ACSF2: variants seen among roughly 807,000 people sequenced by gnomAD.
The protein encoded by ACSF2 is acyl-CoA synthetase family member 2.
A neutral mutation model predicts 79.3 loss-of-function variants in ACSF2; 52 were observed. The observed-to-expected ratio is 0.66, with a 90% CI of 0.53 to 0.83. ACSF2 has a LOEUF of 0.83. ACSF2 is among the 40% of genes least tolerant of loss of function. The pLI is 0.00. For synonymous variants in ACSF2, 283 were observed against 312.6 expected (o/e 0.91, Z 1.00); for missense variants, 661 against 803.3 (o/e 0.82, Z 2.14).
At chr17:50,449,010 C>CTTTT (rs1157696530) in intron 1 of ACSF2, among the ~76,000 whole-genome samples, 8 of 101,232 alleles carry the variant, frequency 7.9e-5, no homozygotes, top group Non-Finnish European at 1.4e-4. Context: ...AATATGTAGT[C>CTTTT]TTTTTTTTTT....
intron 10 of ACSF2, among the ~76,000 whole-genome samples, chr17:50,470,389 A>G (rs1180391300): frequency 6.7e-6 from 1 of 148,748 alleles, no homozygotes; most frequent in Non-Finnish European, 1.5e-5. Flanking sequence ...ACCACTGGAA[A>G]TGGGGGAGGT....
At chr17:50,434,050 C>G (rs2143501752) in intron 1 of ACSF2, among the ~76,000 whole-genome samples, 1 of 152,056 alleles carries the variant, frequency 6.6e-6, no homozygotes, top group East Asian at 1.9e-4. Context: ...CACAGTGGCT[C>G]ACACCTATAA....
Position 50,463,473 on chromosome 17 carries a change from C to G in ACSF2, c.967C>G (p.Leu323Val), listed in dbSNP as rs539511131. The change falls in exon 8 of 16, where the codon CTG (leucine) becomes GTG (valine). Residue 323 changes from leucine to valine, a missense_variant. Physicochemically the swap from Leu to Val is conservative, Grantham distance 32. Transcript: ENST00000300441. The surrounding 1 kb of genome is among the most constrained non-coding windows in gnomAD (Gnocchi z 4.6). ...LGSVAGTMMC[L>V]MYGATLILAS... Reference sequence around the variant, plus strand: ...TTCCGTGGCAGGCACAATGATGTGTCTGATGTACGGTGCCACCCTCATCCT... The same window carrying G: ...TTCCGTGGCAGGCACAATGATGTGTGTGATGTACGGTGCCACCCTCATCCT... 25 of 1,614,146 alleles carry G rather than the reference C, an allele frequency of 1.5e-5. No homozygotes were observed. The African/African-American group carries it at 2.1e-4, about 14-fold the overall frequency.
rs1377192015 is a variant in ACSF2 at position 50,461,688 on chromosome 17, T to C, written c.507+2T>C. 1.2e-6 allele frequency: 2 copies of C among 1,614,038 alleles called. No individual in the cohort carries two copies. Among genetic ancestry groups the C allele is most frequent in the Non-Finnish European group, 1.7e-6 (2 of 1,179,980 alleles). On this transcript the variant is annotated splice_donor_variant, in intron 4 of 15. Coordinates refer to ENST00000300441, the MANE Select transcript of ACSF2 (RefSeq NM_025149.6). LOFTEE classifies it high-confidence loss of function. ...GAACTGGAGTATGTCCTCAAGAAGG[T>C]ACAGCTCATTTGTCGGGGAGGGGCC... is the stretch of plus-strand genomic sequence containing the variant.
At chr17:50,455,013 C>T (rs984571997) in intron 1 of ACSF2, among the ~76,000 whole-genome samples, 1 of 152,214 alleles carries the variant, frequency 6.6e-6, no homozygotes, top group African/African-American at 2.4e-5. Flanking sequence ...TGAGGCTGAA[C>T]ACCTGCCGTC....
chr17:50,456,118 G>A (rs1157574023), intron 1 of ACSF2, among the ~76,000 whole-genome samples: 2 of 152,150 alleles, frequency 1.3e-5, no homozygotes, highest in East Asian at 1.9e-4. Context: ...TGCCCCGTCC[G>A]GAGTCCTGAA....
At chr17:50,469,021 G>A (rs868674216) in intron 10 of ACSF2, 3 of 1,342,310 alleles carry the variant, frequency 2.2e-6, no homozygotes, top group Non-Finnish European at 2.8e-6. Flanking sequence ...CACGGGGAAG[G>A]GGGCGGGGCC....
intron 1 of ACSF2, among the ~76,000 whole-genome samples, chr17:50,451,070 G>T (rs1215773603): frequency 2.0e-5 from 3 of 152,160 alleles, no homozygotes; most frequent in African/African-American, 7.2e-5. Flanking sequence ...CGGAGTAGCT[G>T]GGACTACAGG....
At chr17:50,426,426 G>A in intron 1 of ACSF2, 37 bp downstream of exon 1, 1 of 1,289,170 alleles carries the variant, frequency 7.8e-7, no homozygotes, top group Non-Finnish European at 9.9e-7. Context: ...GGGCGGGGCA[G>A]TTCCCCGGGA....
Position 50,464,779 on chromosome 17 carries a change from G to C in ACSF2, c.1215+485G>C, listed in dbSNP as rs75281762. ...TGGTTCTGATTGACTTGGGGGGGGGGTCTCAGCAACAGCTTCTCCAAGAGG... is the reference window on the plus strand; with the variant it reads ...TGGTTCTGATTGACTTGGGGGGGGGCTCTCAGCAACAGCTTCTCCAAGAGG... On this transcript the variant is annotated intron_variant, in intron 10 of 15. Coordinates refer to ENST00000300441, the MANE Select transcript of ACSF2 (RefSeq NM_025149.6). 4.2e-5 allele frequency: 11 copies of C among 259,812 alleles called. 1 individual carries two copies. The highest frequency in any genetic ancestry group is 2.5e-4 in the South Asian group (10 of 39,474). The allele number at this position is 259,812 out of a possible 1,614,324, so 16.1% of individuals were successfully genotyped here. A position where few individuals can be genotyped will look rare whatever the true frequency, so the allele number is the denominator to read the frequency against.
intron 1 of ACSF2, among the ~76,000 whole-genome samples, chr17:50,447,294 C>G (rs888077367): frequency 6.6e-6 from 1 of 152,100 alleles, no homozygotes; most frequent in Non-Finnish European, 1.5e-5. Context: ...AATCCCAGCA[C>G]TTTGGGAGGT....
intron 1 of ACSF2, 146 bp from the exon 2 acceptor site, chr17:50,460,531 T>C: frequency 2.8e-6 from 2 of 715,090 alleles, no homozygotes; most frequent in Non-Finnish European, 4.6e-6. Context: ...TGGGGGATTT[T>C]AGGCTTACAA....
chr17:50,444,420 T>C (rs1366364688), intron 1 of ACSF2, among the ~76,000 whole-genome samples: 3 of 151,968 alleles, frequency 2.0e-5, no homozygotes, highest in Non-Finnish European at 4.4e-5. Flanking sequence ...TTGGGCACGG[T>C]GGTGCATGCC....
rs143020016 is a variant in ACSF2, at chr17:50,427,620, C to T, written c.128+1231C>T. 1.0e-3 allele frequency among the ~76,000 whole-genome samples: 152 copies of T among 152,246 alleles called. 2 individuals carry two copies. The highest frequency in any genetic ancestry group is 3.5e-3 in the African/African-American group (147 of 41,534). On this transcript the variant is annotated intron_variant, in intron 1 of 15. Transcript: ENST00000300441. ...GCTGCCCCCTCAGGCTGGGAGGACT[C>T]TGAGGAAAGTTACTTCCCAAAGTGT...
At chr17:50,447,527 G>A (rs1211728043) in intron 1 of ACSF2, among the ~76,000 whole-genome samples, 1 of 150,634 alleles carries the variant, frequency 6.6e-6, no homozygotes, top group East Asian at 1.9e-4. Context: ...GGGCCACAGA[G>A]TGAGACTCTG....
At position 50,452,788 on chromosome 17, in the gene ACSF2, C is replaced by A. The variant is rs1049345400; in HGVS notation, c.129-7889C>A. On this transcript the variant is annotated intron_variant, in intron 1 of 15. Transcript: ENST00000300441. ...ATTGGTTTGTTTATGCTTCCTCTTTCGAAATGATGGGTGGGTCCTATGTTT... is the reference window on the plus strand; with the variant it reads ...ATTGGTTTGTTTATGCTTCCTCTTTAGAAATGATGGGTGGGTCCTATGTTT... Among the ~76,000 whole-genome samples, 4 of 152,148 alleles carry A rather than the reference C, an allele frequency of 2.6e-5. No individual in the cohort carries two copies. In the South Asian group the frequency reaches 8.3e-4, roughly 32 times the overall value.
At position 50,474,609 on chromosome 17, in the gene ACSF2, A is replaced by G; in HGVS notation, c.*57A>G. ...CTTGACTCTCTCCTGTCAGAATGCA[A>G]CCTGGCTTTATGCACCTAGATGTCC... is the stretch of plus-strand genomic sequence containing the variant. On this transcript the variant is annotated 3_prime_UTR_variant, in exon 16 of 16. Transcript: ENST00000300441. The surrounding 1 kb of genome is among the most constrained non-coding windows in gnomAD (Gnocchi z 4.2). The G allele has an allele frequency of 6.4e-7, 1 of 1,564,146 alleles. No individual in the cohort carries two copies. The highest frequency in any genetic ancestry group is 8.8e-7 in the Non-Finnish European group (1 of 1,135,592).
chr17:50,426,800 C>T, intron 1 of ACSF2: 2 of 1,227,082 alleles, frequency 1.6e-6, no homozygotes, highest in Non-Finnish European at 2.3e-6. Context: ...TCTCCCCGAC[C>T]CAGGCCACTA....
Position 50,471,171 on chromosome 17 carries a change from C to A in ACSF2, c.1323+36C>A. ...GACCAAGACTCCAAAGTCCCACCTC[C>A]CGTCACCCAGCTGGGGTGCACCCAG... On this transcript the variant is annotated intron_variant, in intron 11 of 15. Coordinates refer to ENST00000300441, the MANE Select transcript of ACSF2 (RefSeq NM_025149.6). This position sits in a 1 kb window ranked among gnomAD's most constrained non-coding sequence, Gnocchi z 4.1. The A allele has an allele frequency of 6.3e-7, 1 of 1,580,678 alleles. No homozygotes were observed. The highest frequency in any genetic ancestry group is 8.7e-7 in the Non-Finnish European group (1 of 1,149,874).
Sources: allele counts gnomAD v4.1 joint callset (sites outside exome capture counted in the v4.1 genomes callset), GRCh38; gene constraint gnomAD v4.1.1; non-coding constraint Gnocchi (gnomAD v3.1); transcripts MANE v1.5; gene names NCBI Gene and HGNC (gene_info 2026-07-23, HGNC 2026-07-21).